CORO2A: variants seen among roughly 807,000 people sequenced by gnomAD.
CORO2A encodes coronin 2A.
CORO2A carries 47 observed loss-of-function variants against 62.4 expected under a neutral mutation model. The ratio of observed to expected loss-of-function variants is 0.75; its 90% CI spans 0.60 to 0.96. The LOEUF (loss-of-function observed/expected upper bound fraction) is 0.96, where lower values mean the gene tolerates loss of function less well. Among genes scored for constraint, CORO2A ranks in the 40% least tolerant of loss-of-function variants. The pLI is 0.00. For synonymous variants in CORO2A, 273 were observed against 268.9 expected (o/e 1.02, Z -0.15); for missense variants, 610 against 684.1 (o/e 0.89, Z 1.21).
intron 1 of CORO2A, among the ~76,000 whole-genome samples, chr9:98,184,512 T>G (rs762919017): frequency 9.9e-5 from 15 of 152,224 alleles, no homozygotes; most frequent in Non-Finnish European, 2.2e-4. Flanking sequence ...TCTCTTACCG[T>G]GACATGGTGG....
At position 98,137,672 on chromosome 9, in the gene CORO2A, G is replaced by C. The variant is rs564002015; in HGVS notation, c.218C>G (p.Pro73Arg). Reference sequence around the variant, plus strand: ...GTGCCCGCAGACTTTTGGGTAGTGGGGGTCCAACTTCCCTGTCTGCAAGAC... The same window carrying C: ...GTGCCCGCAGACTTTTGGGTAGTGGCGGTCCAACTTCCCTGTCTGCAAGAC... ...IPLHQTGKLD[P>R]HYPKVCGHRG... Residue 73 changes from proline (P) to arginine (R), a missense_variant, in exon 3 of 12, where the codon CCC becomes CGC. By Grantham distance (103) the Pro-to-Arg change is moderately radical. Transcript: ENST00000375077. The C allele has an allele frequency of 6.2e-7, 1 of 1,614,146 alleles. No individual in the cohort carries two copies. The highest frequency in any genetic ancestry group is 1.1e-5 in the South Asian group (1 of 91,086).
intron 1 of CORO2A, among the ~76,000 whole-genome samples, chr9:98,170,009 G>C (rs1236172244): frequency 6.6e-6 from 1 of 152,166 alleles, no homozygotes; most frequent in Admixed American, 6.5e-5. Context: ...AAGGCACCAA[G>C]TTCAAGCCCT....
chr9:98,154,604 C>T (rs1198146271), intron 2 of CORO2A, among the ~76,000 whole-genome samples: 1 of 151,812 alleles, frequency 6.6e-6, no homozygotes, highest in African/African-American at 2.4e-5. Flanking sequence ...GTAGTCTCTT[C>T]TTTGTTTTTC....
intron 2 of CORO2A, among the ~76,000 whole-genome samples, chr9:98,140,517 T>C (rs1381542360): frequency 6.6e-6 from 1 of 152,010 alleles, no homozygotes; most frequent in African/African-American, 2.4e-5. Flanking sequence ...CATGATTCAC[T>C]GTAGCCTCGA....
At chr9:98,169,214 C>T (rs745992793) in intron 1 of CORO2A, among the ~76,000 whole-genome samples, 8 of 146,172 alleles carry the variant, frequency 5.5e-5, no homozygotes, top group Non-Finnish European at 9.0e-5. Flanking sequence ...GCCCCCGCGC[C>T]GCCCATCCTT....
At position 98,124,556 on chromosome 9, in the gene CORO2A, T is replaced by A. The variant is rs994238183; in HGVS notation, c.*218A>T. ...TAACAGAATTCAACAGAAGGCATCATCTGAAAACAAAGTCAATTCAGAAAC... is the reference window on the plus strand; with the variant it reads ...TAACAGAATTCAACAGAAGGCATCAACTGAAAACAAAGTCAATTCAGAAAC... On this transcript the variant is annotated 3_prime_UTR_variant, in exon 12 of 12. Transcript: ENST00000375077. The A allele has an allele frequency of 1.6e-5, 7 of 444,512 alleles. No individual in the cohort carries two copies. The highest frequency in any genetic ancestry group is 3.9e-5 in the African/African-American group (2 of 50,696). The allele number at this position is 444,512 out of a possible 1,614,324, so 27.5% of individuals were successfully genotyped here.
At chr9:98,181,092 T>C (rs1390040504) in intron 1 of CORO2A, among the ~76,000 whole-genome samples, 1 of 152,048 alleles carries the variant, frequency 6.6e-6, no homozygotes, top group African/African-American at 2.4e-5. Flanking sequence ...CTAAGCTCAG[T>C]TGGGAGGAAA....
chr9:98,180,195 T>C (rs1480437994), intron 1 of CORO2A, among the ~76,000 whole-genome samples: 1 of 152,152 alleles, frequency 6.6e-6, no homozygotes, highest in Non-Finnish European at 1.5e-5. Flanking sequence ...CTGCCTCTTA[T>C]ACTGAGCCAA....
At chr9:98,160,068 T>C (rs1157925959) in intron 1 of CORO2A, among the ~76,000 whole-genome samples, 1 of 152,186 alleles carries the variant, frequency 6.6e-6, no homozygotes, top group African/African-American at 2.4e-5. Context: ...AGGTAGCACG[T>C]CAGTCTTGCA....
intron 2 of CORO2A, among the ~76,000 whole-genome samples, chr9:98,143,113 T>C (rs1827596185): frequency 6.6e-6 from 1 of 152,154 alleles, no homozygotes; most frequent in Non-Finnish European, 1.5e-5. Context: ...GAGACACGCC[T>C]GCTCCCCTCG....
At chr9:98,143,423 G>A (rs1827601340) in intron 2 of CORO2A, among the ~76,000 whole-genome samples, 1 of 152,192 alleles carries the variant, frequency 6.6e-6, no homozygotes, top group Non-Finnish European at 1.5e-5. Context: ...TGGGAGGCAG[G>A]GGTGGCAGGA....
At position 98,126,719 on chromosome 9, in the gene CORO2A, G is replaced by A. The variant is rs367683956; in HGVS notation, c.1276C>T (p.Leu426Phe). The change falls in exon 11 of 12, where the codon CTC becomes TTC. Residue 426 changes from leucine (L) to phenylalanine (F), a missense_variant. Leu to Phe is a conservative substitution (Grantham distance 22). Transcript: ENST00000375077. Reference sequence around the variant, plus strand: ...GCCAGCTTTTCTGTCTGATTCAAGAGCCGGGGTGAGGCTGGGGCCATGGAA... The same window carrying A: ...GCCAGCTTTTCTGTCTGATTCAAGAACCGGGGTGAGGCTGGGGCCATGGAA... Reference protein sequence around the residue: ...FNSMAPASPRLLNQTEKLAAE... With the variant: ...FNSMAPASPRFLNQTEKLAAE... 1.9e-6 allele frequency: 3 copies of A among 1,614,100 alleles called. No homozygotes were observed. The African/African-American group carries it at 4.0e-5, about 22-fold the overall frequency.
chr9:98,135,640 T>C (rs1827475835), intron 3 of CORO2A, among the ~76,000 whole-genome samples: 1 of 151,926 alleles, frequency 6.6e-6, no homozygotes, highest in Admixed American at 6.6e-5. Flanking sequence ...ACAAATGGAG[T>C]ACAAGGTGAT....
At chr9:98,148,497 C>T (rs1300774243) in intron 2 of CORO2A, among the ~76,000 whole-genome samples, 1 of 150,988 alleles carries the variant, frequency 6.6e-6, no homozygotes, top group Non-Finnish European at 1.5e-5. Context: ...CCTGTAATTC[C>T]AGAAGTTTGG....
At chr9:98,149,866 G>C (rs1418492176) in intron 2 of CORO2A, among the ~76,000 whole-genome samples, 1 of 152,074 alleles carries the variant, frequency 6.6e-6, no homozygotes, top group African/African-American at 2.4e-5. Context: ...ATTTCAAAAA[G>C]CCCAAAGAGA....
intron 1 of CORO2A, among the ~76,000 whole-genome samples, chr9:98,160,484 C>T (rs1224327407): frequency 6.6e-6 from 1 of 152,172 alleles, no homozygotes; most frequent in Non-Finnish European, 1.5e-5. Context: ...AGATAAAAGC[C>T]ACAAGTTGCT....
Position 98,126,713 on chromosome 9 carries a change from T to G in CORO2A, c.1282A>C (p.Asn428His). 6.2e-7 allele frequency: 1 copy of G among 1,614,188 alleles called. No homozygotes were observed. Among genetic ancestry groups the G allele is most frequent in the South Asian group, 1.1e-5 (1 of 91,082 alleles). Residue 428 changes from asparagine (N) to histidine (H), a missense_variant, in exon 11 of 12, where the codon AAT becomes CAT. Transcript: ENST00000375077. ...TCTGCAGCCAGCTTTTCTGTCTGAT[T>G]CAAGAGCCGGGGTGAGGCTGGGGCC... The part of the protein sequence containing the change: ...SMAPASPRLL[N>H]QTEKLAAEDG...
chr9:98,135,080 C>T, intron 3 of CORO2A, 125 bp from the exon 4 acceptor site: 2 of 1,245,304 alleles, frequency 1.6e-6, no homozygotes. Flanking sequence ...TAGCCACCTC[C>T]CACTCAGTGG....
chr9:98,158,647 C>T (rs115259075), intron 1 of CORO2A, among the ~76,000 whole-genome samples: 1,587 of 152,102 alleles, frequency 0.01, 32 homozygotes, highest in African/African-American at 0.036. Flanking sequence ...AACAGAGATT[C>T]GCACATGACA....
Sources: allele counts gnomAD v4.1 joint callset (sites outside exome capture counted in the v4.1 genomes callset), GRCh38; gene constraint gnomAD v4.1.1; transcripts MANE v1.5; gene names NCBI Gene and HGNC (gene_info 2026-07-23, HGNC 2026-07-21).